AHI1: variants seen among roughly 807,000 people sequenced by gnomAD.
AHI1 encodes the protein jouberin.
AHI1 carries 123 observed loss-of-function variants against 149.3 expected under a neutral mutation model. That is an observed-to-expected ratio of 0.82 (90% CI 0.71 to 0.96). The LOEUF (loss-of-function observed/expected upper bound fraction) is 0.96, where lower values mean the gene tolerates loss of function less well. Ranked by LOEUF, AHI1 falls within the 40% of genes least tolerant of loss-of-function variation. The pLI is 0.00. For synonymous variants in AHI1, 475 were observed against 459.8 expected, an observed-to-expected ratio of 1.03 and a Z score of -0.42; for missense variants, 1,439 against 1,422.7, an observed-to-expected ratio of 1.01 and a Z score of -0.18.
intron 23 of AHI1, among the ~76,000 whole-genome samples, chr6:135,390,019 T>TA (rs397825149): frequency 1.2e-3 from 176 of 151,886 alleles, no homozygotes; most frequent in African/African-American, 3.9e-3. Context: ...GTGTTTTTTT[T>TA]ATTTTATTTT....
chr6:135,297,756 TAGC>T (rs1377553723), intron 27 of AHI1, among the ~76,000 whole-genome samples: 1 of 151,802 alleles, frequency 6.6e-6, no homozygotes, highest in African/African-American at 2.4e-5. Context: ...AAGTGGCAAG[TAGC>T]AGGATTATTT....
Position 135,292,653 on chromosome 6 carries a change from A to G in AHI1, c.3486-2128T>C, listed in dbSNP as rs577918614. 2.6e-5 allele frequency among the ~76,000 whole-genome samples: 4 copies of G among 152,342 alleles called. No individual in the cohort carries two copies. The East Asian group carries it at 7.7e-4, about 29-fold the overall frequency. On this transcript the variant is annotated intron_variant, in intron 27 of 28. Coordinates refer to ENST00000265602, the MANE Select transcript of AHI1 (RefSeq NM_001134831.2). The stretch of plus-strand genomic sequence containing the variant: ...ACAGTGTTTATTCCCACTAGCAATG[A>G]ACAGAACTGTTCCCGAGGAAGCCCA...
At chr6:135,391,415 T>A (rs1019078201) in intron 23 of AHI1, among the ~76,000 whole-genome samples, 2 of 152,134 alleles carry the variant, frequency 1.3e-5, no homozygotes, top group African/African-American at 4.8e-5. Flanking sequence ...GCTCACAACC[T>A]AGATCCCTAC....
chr6:135,378,910 A>G (rs1776311785), intron 23 of AHI1, among the ~76,000 whole-genome samples: 1 of 152,052 alleles, frequency 6.6e-6, no homozygotes, highest in Admixed American at 6.6e-5. Flanking sequence ...TCCACCTCAT[A>G]GTCACCCCTA....
intron 22 of AHI1, 92 bp downstream of exon 22, chr6:135,404,859 A>G: frequency 8.7e-7 from 1 of 1,154,978 alleles, no homozygotes; most frequent in South Asian, 1.3e-5. Flanking sequence ...TAACTCTTAT[A>G]AAGGTTCCAA....
chr6:135,284,664 G>A lies in AHI1; in HGVS notation c.*981C>T, dbSNP rs376956056. ...TAAACAATGTAAGTCTACAAAATAG[G>A]TATGTGCTTAAATATGAAAAGCCTT... On this transcript the variant is annotated 3_prime_UTR_variant, in exon 29 of 29. Coordinates refer to ENST00000265602, the MANE Select transcript of AHI1 (RefSeq NM_001134831.2). 2.6e-5 allele frequency: 4 copies of A among 151,990 alleles called. No homozygotes were observed. 9.4% of individuals were successfully genotyped at this position (151,990 alleles called of 1,614,324 possible).
chr6:135,458,383 A>G (rs1197534705), intron 8 of AHI1, among the ~76,000 whole-genome samples: 16 of 152,212 alleles, frequency 1.1e-4, no homozygotes, highest in Non-Finnish European at 2.4e-4. Context: ...TGGAGATTTG[A>G]GAAGCCTCAA....
intron 23 of AHI1, among the ~76,000 whole-genome samples, chr6:135,383,064 T>C (rs1582943916): frequency 1.3e-5 from 2 of 148,762 alleles, no homozygotes; most frequent in South Asian, 2.1e-4. Flanking sequence ...CAAGTATATA[T>C]GATTAATTTG....
chr6:135,288,216 GA>G (rs1407935716), intron 28 of AHI1, among the ~76,000 whole-genome samples: 18 of 151,936 alleles, frequency 1.2e-4, no homozygotes, highest in African/African-American at 7.3e-5. Context: ...TGCAGGGGAG[GA>G]AAAAAATGTG....
At chr6:135,364,995 G>A (rs1030449645) in intron 23 of AHI1, among the ~76,000 whole-genome samples, 78 of 152,250 alleles carry the variant, frequency 5.1e-4, no homozygotes, top group African/African-American at 1.8e-3. Flanking sequence ...GTTGATTTTT[G>A]TATAAAGTGA....
intron 20 of AHI1, among the ~76,000 whole-genome samples, chr6:135,421,326 C>T (rs1385476601): frequency 6.6e-6 from 1 of 152,034 alleles, no homozygotes; most frequent in East Asian, 1.9e-4. Flanking sequence ...CATAGAATTG[C>T]CACAAACCTT....
chr6:135,490,249 A>G (rs1342763713), intron 5 of AHI1: 1 of 720,634 alleles, frequency 1.4e-6, no homozygotes, highest in African/African-American at 1.7e-5. Flanking sequence ...TCACACAGAA[A>G]TAGTTTAAAT....
At chr6:135,351,135 CAAAAAAAACAA>C (rs1792041743) in intron 24 of AHI1, among the ~76,000 whole-genome samples, 1 of 131,390 alleles carries the variant, frequency 7.6e-6, no homozygotes, top group African/African-American at 3.4e-5. Context: ...AAACAAAAAA[CAAAAAAAACAA>C]AAAAAAAAAA....
Position 135,325,778 on chromosome 6 carries a change from G to T in AHI1, c.3166-2454C>A, listed in dbSNP as rs183438079. 1.6e-3 allele frequency among the ~76,000 whole-genome samples: 237 copies of T among 152,186 alleles called. 2 individuals carry two copies. The South Asian group carries it at 0.019, about 12-fold the overall frequency. ...GTGGTACAAAACACAACTTTAATGAGTCTCATGCAAAGATGAGATTAATGT... is the reference window on the plus strand; with the variant it reads ...GTGGTACAAAACACAACTTTAATGATTCTCATGCAAAGATGAGATTAATGT... On this transcript the variant is annotated intron_variant, in intron 24 of 28. Transcript: ENST00000265602.
At chr6:135,351,273 T>C (rs1243784771) in intron 24 of AHI1, among the ~76,000 whole-genome samples, 1 of 152,202 alleles carries the variant, frequency 6.6e-6, no homozygotes, top group African/African-American at 2.4e-5. Context: ...CCTTTGATTC[T>C]TGAACTAGTT....
chr6:135,494,078 C>T (rs552455259), intron 3 of AHI1, among the ~76,000 whole-genome samples: 12 of 152,226 alleles, frequency 7.9e-5, no homozygotes, highest in African/African-American at 2.6e-4. Flanking sequence ...GAGAAAGAAT[C>T]GGAGATAATT....
chr6:135,428,774 G>T lies in AHI1; in HGVS notation c.2493-15C>A. 1 of 1,587,528 alleles carries T rather than the reference G, an allele frequency of 6.3e-7. No homozygotes were observed. Among genetic ancestry groups the T allele is most frequent in the East Asian group, 2.3e-5 (1 of 44,282 alleles). ...TTGCTACTAATCTACAAGCAAAAAA[G>T]ATTTTACAAATGTAACTGTCTTAAT... On this transcript the variant is annotated splice_polypyrimidine_tract_variant and intron_variant, in intron 18 of 28. Coordinates refer to ENST00000265602, the MANE Select transcript of AHI1 (RefSeq NM_001134831.2).
chr6:135,387,086 T>TTGCCCAAGC (rs1255656344), intron 23 of AHI1, among the ~76,000 whole-genome samples: 1 of 152,110 alleles, frequency 6.6e-6, no homozygotes, highest in Non-Finnish European at 1.5e-5. Context: ...CTTCGTCATG[T>TTGCCCAAGC]TGCCCAAGCT....
chr6:135,339,931 G>T (rs996895464), intron 24 of AHI1, among the ~76,000 whole-genome samples: 7 of 152,162 alleles, frequency 4.6e-5, no homozygotes, highest in Non-Finnish European at 1.0e-4. Flanking sequence ...TCATCACACA[G>T]AAGTGATTCT....
Sources: allele counts gnomAD v4.1 joint callset (sites outside exome capture counted in the v4.1 genomes callset), GRCh38; gene constraint gnomAD v4.1.1; transcripts MANE v1.5; gene names NCBI Gene and HGNC (gene_info 2026-07-23, HGNC 2026-07-21).